Variants in GATAD1 observed in about 807,000 individuals in gnomAD.
GATAD1 encodes the protein GATA zinc finger domain-containing protein 1.
GATAD1 carries 12 observed loss-of-function variants against 26.5 expected under a neutral mutation model. The observed-to-expected ratio is 0.45, with a 90% CI of 0.29 to 0.73. The LOEUF (loss-of-function observed/expected upper bound fraction) is 0.73, where lower values mean the gene tolerates loss of function less well. GATAD1 is among the 30% of genes least tolerant of loss of function. The pLI is 0.10. For synonymous variants in GATAD1, 129 were observed against 133.1 expected (o/e 0.97, Z 0.21); for missense variants, 266 against 342.1 (o/e 0.78, Z 1.75).
downstream of GATAD1, among the ~76,000 whole-genome samples, chr7:92,460,638 A>G (rs1379449307): frequency 6.6e-6 from 1 of 152,140 alleles, no homozygotes; most frequent in Non-Finnish European, 1.5e-5. Flanking sequence ...TTTATAAAAG[A>G]TGGAAGGAGC....
the GATAD1 span, among the ~76,000 whole-genome samples, chr7:92,482,110 T>A: frequency 6.6e-6 from 1 of 152,148 alleles, no homozygotes; most frequent in African/African-American, 2.4e-5. Flanking sequence ...AAGTAAATCA[T>A]GAGAAAGAGC....
At chr7:92,450,651 G>T in intron 2 of GATAD1, 50 bp from the exon 3 acceptor site, 1 of 1,245,828 alleles carries the variant, frequency 8.0e-7, no homozygotes, top group Non-Finnish European at 1.2e-6. Flanking sequence ...GAAAATGCCT[G>T]TAGACACATA....
the GATAD1 span, chr7:92,468,763 C>T: frequency 3.9e-5 from 28 of 726,830 alleles, no homozygotes; most frequent in East Asian, 7.3e-5. Context: ...CCGACGACCG[C>T]TCTAACTGCT....
the GATAD1 span, among the ~76,000 whole-genome samples, chr7:92,482,483 A>C: frequency 6.6e-6 from 1 of 152,318 alleles, no homozygotes; most frequent in East Asian, 1.9e-4. Context: ...TGTAGCAGGC[A>C]AGTGATAACA....
At chr7:92,475,846 C>T in the GATAD1 span, among the ~76,000 whole-genome samples, 12 of 152,274 alleles carry the variant, frequency 7.9e-5, no homozygotes, top group African/African-American at 2.9e-4. Flanking sequence ...TATGCAAATG[C>T]ATTACAGAGA....
At chr7:92,467,734 AG>A in the GATAD1 span, among the ~76,000 whole-genome samples, 1 of 152,240 alleles carries the variant, frequency 6.6e-6, no homozygotes, top group Non-Finnish European at 1.5e-5. Flanking sequence ...AAGGACAGGA[AG>A]ACTTTGAAAA....
At chr7:92,490,109 A>C in the GATAD1 span, 1 of 598,948 alleles carries the variant, frequency 1.7e-6, no homozygotes, top group South Asian at 2.0e-5. Flanking sequence ...TGTGTTATAG[A>C]ACCACCATCA....
At chr7:92,454,286 C>A in intron 3 of GATAD1, 1 of 489,046 alleles carries the variant, frequency 2.0e-6, no homozygotes, top group Non-Finnish European at 3.6e-6. Context: ...CAGATGTAAA[C>A]TGTCATATAT....
downstream of GATAD1, among the ~76,000 whole-genome samples, chr7:92,464,182 T>C (rs1407551537): frequency 2.0e-5 from 3 of 152,178 alleles, no homozygotes; most frequent in African/African-American, 2.4e-5. Context: ...TTGATTCTTA[T>C]AATTTAAAAA....
At position 92,447,639 on chromosome 7, in the gene GATAD1, C is replaced by G. The variant is rs962051072; in HGVS notation, c.-91C>G. ...GACGCTCTCACCGCTCTTCCTATCG[C>G]CGGGAGTGGCGGGCCGACCAGGGGG... On this transcript the variant is annotated 5_prime_UTR_variant, in exon 1 of 5. Transcript: ENST00000287957. 2.5e-5 allele frequency: 33 copies of G among 1,318,158 alleles called. No homozygotes were observed. Among genetic ancestry groups the G allele is most frequent in the South Asian group, 3.8e-5 (2 of 52,730 alleles). The allele number at this position is 1,318,158 out of a possible 1,614,324, so 81.7% of individuals were successfully genotyped here. A position where few individuals can be genotyped will look rare whatever the true frequency, so the allele number is the denominator to read the frequency against.
At chr7:92,470,122 CAAT>C in the GATAD1 span, 1 of 778,768 alleles carries the variant, frequency 1.3e-6, no homozygotes, top group Non-Finnish European at 2.4e-6. Flanking sequence ...TTTTCCTGTC[CAAT>C]AATGAGTATT....
the GATAD1 span, among the ~76,000 whole-genome samples, chr7:92,467,317 TA>T: frequency 4.7e-5 from 7 of 148,528 alleles, no homozygotes; most frequent in Admixed American, 6.7e-5. Flanking sequence ...CGTCTCAAAA[TA>T]AAAAAAAAAT....
At chr7:92,453,112 C>T (rs960545740) in intron 3 of GATAD1, among the ~76,000 whole-genome samples, 1 of 152,126 alleles carries the variant, frequency 6.6e-6, no homozygotes, top group Non-Finnish European at 1.5e-5. Context: ...AAGGGTCCAC[C>T]AGGAAAAAAC....
At chr7:92,482,312 A>G in the GATAD1 span, among the ~76,000 whole-genome samples, 3 of 152,348 alleles carry the variant, frequency 2.0e-5, no homozygotes, top group African/African-American at 7.2e-5. Flanking sequence ...GAAGGCATTG[A>G]GGACAAAAGA....
chr7:92,493,276 T>C, the GATAD1 span: 1 of 504,126 alleles, frequency 2.0e-6, no homozygotes, highest in East Asian at 3.4e-5. Context: ...AACAGCCTAC[T>C]ATTTATCTTC....
the GATAD1 span, chr7:92,468,957 A>G: frequency 1.3e-6 from 1 of 763,838 alleles, no homozygotes; most frequent in Non-Finnish European, 2.4e-6. Flanking sequence ...TGGAAGAGAC[A>G]AAGTTAACAA....
the GATAD1 span, chr7:92,493,284 T>C: frequency 4.2e-6 from 2 of 479,022 alleles, no homozygotes; most frequent in Middle Eastern, 5.6e-4. Context: ...ACTATTTATC[T>C]TCCTTGGAAT....
chr7:92,491,671 CTA>C, the GATAD1 span: 1 of 582,444 alleles, frequency 1.7e-6, no homozygotes, highest in Non-Finnish European at 3.0e-6. Context: ...AAAAATTTAA[CTA>C]TTAAAATTAT....
At chr7:92,488,382 C>T in the GATAD1 span, among the ~76,000 whole-genome samples, 4 of 152,068 alleles carry the variant, frequency 2.6e-5, no homozygotes, top group Non-Finnish European at 5.9e-5. Flanking sequence ...CTTCAAAGTA[C>T]TGCAAAATTA....
Sources: gnomAD v4.1 joint callset for allele counts (sites outside exome capture counted in the v4.1 genomes callset) on GRCh38, gnomAD v4.1.1 for gene constraint, MANE v1.5 for transcripts, NCBI Gene and HGNC (gene_info 2026-07-23, HGNC 2026-07-21) for gene names.